The following COBL variants were observed in gnomAD, a reference collection of about 807,000 sequenced individuals.
COBL encodes protein cordon-bleu.
Under a neutral mutation model 98.8 loss-of-function variants are expected in COBL, and 51 were observed. The observed-to-expected ratio is 0.52, with a 90% confidence interval of 0.41 to 0.65. COBL has a LOEUF of 0.65. COBL is among the 30% of genes least tolerant of loss of function. COBL has a pLI of 0.00. For synonymous variants in COBL, 634 were observed against 651.7 expected (o/e 0.97, Z 0.41); for missense variants, 1,617 against 1,617.5 (o/e 1.00, Z 0.01).
intron 2 of COBL, among the ~76,000 whole-genome samples, chr7:51,217,150 A>C (rs1292317645): frequency 6.6e-6 from 1 of 152,220 alleles, no homozygotes; most frequent in African/African-American, 2.4e-5. Context: ...ATTCTCAGTC[A>C]CTACATTACA....
intron 1 of COBL, among the ~76,000 whole-genome samples, chr7:51,222,718 GA>G (rs983008135): frequency 2.0e-4 from 29 of 146,628 alleles, no homozygotes; most frequent in East Asian, 1.3e-3. Flanking sequence ...GTTTTCAGGG[GA>G]AAAAAAAAAA....
At chr7:51,120,389 T>G (rs1232280209) in intron 6 of COBL, among the ~76,000 whole-genome samples, 1 of 152,198 alleles carries the variant, frequency 6.6e-6, no homozygotes, top group African/African-American at 2.4e-5. Context: ...TTGGAGAAAC[T>G]ATATTTACCA....
intron 5 of COBL, among the ~76,000 whole-genome samples, chr7:51,161,472 A>G (rs1396639526): frequency 6.6e-6 from 1 of 152,216 alleles, no homozygotes; most frequent in Non-Finnish European, 1.5e-5. Flanking sequence ...ACGCCACTCA[A>G]CACGAATTCT....
At position 51,029,559 on chromosome 7, in the gene COBL, A is replaced by T; in HGVS notation, c.1537T>A (p.Ser513Thr). 1 of 1,605,576 alleles carries T rather than the reference A, an allele frequency of 6.2e-7. No homozygotes were observed. Among genetic ancestry groups the T allele is most frequent in the African/African-American group, 1.3e-5 (1 of 74,886 alleles). The change falls in exon 10 of 13, where the codon TCC becomes ACC. Residue 513 changes from serine to threonine, a missense_variant. Ser to Thr is a moderately conservative substitution (Grantham distance 58, BLOSUM62 1). Around this residue, in one of 3 missense-constraint regions of COBL, gnomAD observed 1,304 missense variants for 1,282.0 expected, o/e 1.02. Coordinates refer to ENST00000265136, the MANE Select transcript of COBL (RefSeq NM_015198.5). Reference protein sequence around the residue: ...MEDSYETDTSSLTSSIHGASN... With the variant: ...MEDSYETDTSTLTSSIHGASN... Reference sequence around the variant, plus strand: ...GCACCATGGATGGAGCTGGTGAGGGAGCTGGTGTCTGTTTCATAGCTGTCT... The same window carrying T: ...GCACCATGGATGGAGCTGGTGAGGGTGCTGGTGTCTGTTTCATAGCTGTCT...
At chr7:51,020,580 G>A (rs1562798469) in intron 12 of COBL, among the ~76,000 whole-genome samples, 1 of 152,226 alleles carries the variant, frequency 6.6e-6, no homozygotes, top group Non-Finnish European at 1.5e-5. Flanking sequence ...ATTTAAAACA[G>A]ATCGACAAAG....
At chr7:51,203,389 G>C (rs1791342267) in intron 2 of COBL, among the ~76,000 whole-genome samples, 2 of 113,794 alleles carry the variant, frequency 1.8e-5, no homozygotes, top group African/African-American at 8.6e-5. Flanking sequence ...GTGAACCCGG[G>C]AGGCGGAGCT....
chr7:51,156,530 C>T (rs1317398163), intron 5 of COBL: 2 of 984,740 alleles, frequency 2.0e-6, no homozygotes, highest in African/African-American at 3.5e-5. Flanking sequence ...AATTACAGAT[C>T]CAGAATATAT....
chr7:51,193,509 G>C lies in COBL; in HGVS notation c.326C>G (p.Ser109Cys). The C allele has an allele frequency of 6.2e-7, 1 of 1,614,192 alleles. No homozygotes were observed. The highest frequency in any genetic ancestry group is 8.5e-7 in the Non-Finnish European group (1 of 1,180,032). The change falls in exon 3 of 13, where the codon TCT becomes TGT. Residue 109 changes from serine to cysteine, a missense_variant. Ser to Cys is a moderately radical substitution (Grantham distance 112). Coordinates refer to ENST00000265136, the MANE Select transcript of COBL (RefSeq NM_015198.5). ...ACTCAAAGGTTGTTGGGTTTCTGAA[G>C]ACCGAATTTCAAGGGCATGGTGGGA... ...NPSHHALEIR[S>C]SETQQPLSFK...
chr7:51,191,482 T>A (rs1044741462), intron 3 of COBL, among the ~76,000 whole-genome samples: 1 of 151,322 alleles, frequency 6.6e-6, no homozygotes, highest in African/African-American at 2.4e-5. Flanking sequence ...AAACATGACA[T>A]CAAAGTTTTA....
intron 1 of COBL, among the ~76,000 whole-genome samples, chr7:51,278,305 A>T (rs1799496025): frequency 6.7e-6 from 1 of 150,204 alleles, no homozygotes; most frequent in Non-Finnish European, 1.5e-5. Context: ...TGGACAAGGC[A>T]CCCTCATCTA....
At chr7:51,119,820 C>T (rs937977293) in intron 6 of COBL, among the ~76,000 whole-genome samples, 1 of 152,158 alleles carries the variant, frequency 6.6e-6, no homozygotes, top group African/African-American at 2.4e-5. Context: ...AATACATTAA[C>T]TCTTCAAAAC....
At chr7:51,114,811 T>C (rs1305596607) in intron 6 of COBL, among the ~76,000 whole-genome samples, 1 of 152,234 alleles carries the variant, frequency 6.6e-6, no homozygotes. Context: ...TGTGATAACT[T>C]ACTGATATCT....
At chr7:51,280,822 C>G (rs1799757616) in intron 1 of COBL, among the ~76,000 whole-genome samples, 1 of 152,194 alleles carries the variant, frequency 6.6e-6, no homozygotes, top group Admixed American at 6.5e-5. Context: ...CTGAAGAGCA[C>G]TGTACAGACT....
chr7:51,270,445 C>T (rs1036429456), intron 1 of COBL, among the ~76,000 whole-genome samples: 1 of 152,168 alleles, frequency 6.6e-6, no homozygotes, highest in South Asian at 2.1e-4. Flanking sequence ...TCTCAGGAGC[C>T]TCGTGGGGAA....
Position 51,121,364 on chromosome 7 carries a change from GTTGT to G in COBL, c.957+14790_957+14793del, listed in dbSNP as rs1439166838. ...AGCCCTTTGCTCATTTTTTAATTGAGTTGTTTGTTTTTTGTTGTTGAGTTGAAGG... is the reference window on the plus strand; with the variant it reads ...AGCCCTTTGCTCATTTTTTAATTGAGTTGTTTTTTGTTGTTGAGTTGAAGG... On this transcript the variant is annotated intron_variant, in intron 6 of 12. Transcript: ENST00000265136. 2.0e-5 allele frequency among the ~76,000 whole-genome samples: 3 copies of G among 152,286 alleles called. No homozygotes were observed. The East Asian group carries it at 5.8e-4, about 29-fold the overall frequency.
chr7:51,158,649 G>A (rs566268372), intron 5 of COBL, among the ~76,000 whole-genome samples: 2 of 152,118 alleles, frequency 1.3e-5, no homozygotes, highest in South Asian at 4.1e-4. Flanking sequence ...AACAGAGCAC[G>A]GTGGGAGGCT....
intron 1 of COBL, among the ~76,000 whole-genome samples, chr7:51,270,318 A>C (rs1435421574): frequency 6.6e-6 from 1 of 152,226 alleles, no homozygotes; most frequent in African/African-American, 2.4e-5. Context: ...CGTTCAAGAA[A>C]GATTTCAAAA....
intron 4 of COBL, among the ~76,000 whole-genome samples, chr7:51,185,407 C>T (rs1306833762): frequency 1.3e-5 from 2 of 152,166 alleles, no homozygotes; most frequent in Non-Finnish European, 2.9e-5. Context: ...GTGTGAGGCA[C>T]ACTTCGGAAA....
intron 2 of COBL, among the ~76,000 whole-genome samples, chr7:51,199,734 G>T (rs1790937388): frequency 6.8e-6 from 1 of 146,656 alleles, no homozygotes; most frequent in African/African-American, 2.5e-5. Context: ...GTAGGAAAAA[G>T]AATCAGTAAA....
Sources: allele counts gnomAD v4.1 joint callset (sites outside exome capture counted in the v4.1 genomes callset), GRCh38; gene constraint gnomAD v4.1.1; regional missense constraint gnomAD v4.1.1; transcripts MANE v1.5; gene names NCBI Gene and HGNC (gene_info 2026-07-23, HGNC 2026-07-21).